Variants in CNTN5 observed in about 807,000 individuals in gnomAD.
The protein encoded by CNTN5 is contactin-5.
Under a neutral mutation model 129.1 loss-of-function variants are expected in CNTN5, and 77 were observed. The ratio of observed to expected loss-of-function variants is 0.60; its 90% CI spans 0.50 to 0.72. The LOEUF (loss-of-function observed/expected upper bound fraction) is 0.72. Ranked by LOEUF, CNTN5 falls within the 30% of genes least tolerant of loss-of-function variation. The pLI is 0.00. For missense variants in CNTN5, 1,478 were observed against 1,328.8 expected (o/e 1.11, Z -1.75); for synonymous variants, 509 against 465.6 (o/e 1.09, Z -1.20).
At chr11:99,618,892 A>C (rs1171968796) in intron 3 of CNTN5, among the ~76,000 whole-genome samples, 1 of 152,090 alleles carries the variant, frequency 6.6e-6, no homozygotes, top group Non-Finnish European at 1.5e-5. Flanking sequence ...TTTAAAGAGA[A>C]TATCTAGGTT....
chr11:99,340,118 C>T (rs1342025348), intron 2 of CNTN5, among the ~76,000 whole-genome samples: 2 of 152,104 alleles, frequency 1.3e-5, no homozygotes, highest in Non-Finnish European at 2.9e-5. Flanking sequence ...TCCTTAGGAA[C>T]TAGAGGGTGG....
intron 16 of CNTN5, among the ~76,000 whole-genome samples, chr11:100,238,395 TCTC>T (rs888847588): frequency 8.6e-6 from 1 of 115,954 alleles, no homozygotes; most frequent in African/African-American, 3.5e-5. Context: ...TTGGACTTAA[TCTC>T]CTCACTTGTC....
At position 99,627,677 on chromosome 11, in the gene CNTN5, A is replaced by G. The variant is rs116196225; in HGVS notation, c.55+71408A>G. 4.4e-3 allele frequency among the ~76,000 whole-genome samples: 662 copies of G among 152,136 alleles called. 5 individuals carry two copies. Among genetic ancestry groups the G allele is most frequent in the African/African-American group, 0.015 (629 of 41,522 alleles). Reference sequence around the variant, plus strand: ...AAAATAAGCTCAGGTGGCATTAATTACCAAGCACTGCCCTAAAAATGTAGT... The same window carrying G: ...AAAATAAGCTCAGGTGGCATTAATTGCCAAGCACTGCCCTAAAAATGTAGT... On this transcript the variant is annotated intron_variant, in intron 3 of 24. Coordinates refer to ENST00000524871, the MANE Select transcript of CNTN5 (RefSeq NM_014361.4).
chr11:100,221,306 A>G lies in CNTN5; in HGVS notation c.1885-3386A>G, dbSNP rs1214129011. 3.9e-5 allele frequency among the ~76,000 whole-genome samples: 6 copies of G among 152,338 alleles called. No individual in the cohort carries two copies. In the East Asian group the frequency reaches 1.2e-3, roughly 29 times the overall value. Reference sequence around the variant, plus strand: ...GGATTAAGTTGCAGGAGGTAGAATCATGCTCTAAAGAGCTACGTCAAAATA... The same window carrying G: ...GGATTAAGTTGCAGGAGGTAGAATCGTGCTCTAAAGAGCTACGTCAAAATA... On this transcript the variant is annotated intron_variant, in intron 15 of 24. Coordinates refer to ENST00000524871, the MANE Select transcript of CNTN5 (RefSeq NM_014361.4).
At chr11:99,143,989 T>C (rs1859658304) in intron 1 of CNTN5, among the ~76,000 whole-genome samples, 1 of 152,230 alleles carries the variant, frequency 6.6e-6, no homozygotes. Flanking sequence ...TATTTTCTTA[T>C]TCTTATTTTT....
At chr11:99,423,235 A>G (rs1283380275) in intron 2 of CNTN5, among the ~76,000 whole-genome samples, 1 of 152,160 alleles carries the variant, frequency 6.6e-6, no homozygotes, top group Non-Finnish European at 1.5e-5. Flanking sequence ...TGTGTTAGCT[A>G]TGGTCTTTAC....
chr11:99,148,438 G>A (rs1465389181), intron 1 of CNTN5, among the ~76,000 whole-genome samples: 2 of 152,110 alleles, frequency 1.3e-5, no homozygotes, highest in Admixed American at 6.6e-5. Flanking sequence ...AATCAGCAAG[G>A]TGGGCAGGCA....
chr11:100,037,935 A>AT (rs1241322304), intron 9 of CNTN5, among the ~76,000 whole-genome samples: 5 of 151,880 alleles, frequency 3.3e-5, no homozygotes, highest in Middle Eastern at 3.2e-3. Flanking sequence ...GGATTCATTG[A>AT]TTTTTTGAAG....
chr11:100,001,075 T>G (rs192216643), intron 8 of CNTN5, among the ~76,000 whole-genome samples: 40 of 152,294 alleles, frequency 2.6e-4, no homozygotes, highest in Admixed American at 2.4e-3. Flanking sequence ...TTTTTCCCAT[T>G]GTCTTCACTA....
chr11:100,157,611 A>G (rs1947295338), intron 13 of CNTN5, among the ~76,000 whole-genome samples: 1 of 151,812 alleles, frequency 6.6e-6, no homozygotes, highest in Non-Finnish European at 1.5e-5. Flanking sequence ...AAATTATATG[A>G]AAGTGCGAAA....
chr11:99,519,170 A>G (rs918444134), intron 2 of CNTN5, among the ~76,000 whole-genome samples: 3 of 151,984 alleles, frequency 2.0e-5, no homozygotes, highest in African/African-American at 7.2e-5. Flanking sequence ...CAGTAAGTGT[A>G]CATGATGTTC....
intron 18 of CNTN5, among the ~76,000 whole-genome samples, chr11:100,288,902 C>A (rs1488479903): frequency 6.6e-6 from 1 of 151,792 alleles, no homozygotes; most frequent in African/African-American, 2.4e-5. Flanking sequence ...ATCAAATAGA[C>A]ACAATAAAAA....
chr11:99,645,559 T>A (rs1951928249), intron 3 of CNTN5, among the ~76,000 whole-genome samples: 1 of 152,062 alleles, frequency 6.6e-6, no homozygotes, highest in Non-Finnish European at 1.5e-5. Context: ...CAAATGTCCA[T>A]TAATGATAGA....
chr11:99,324,641 C>T (rs912617743), intron 1 of CNTN5, among the ~76,000 whole-genome samples: 7 of 152,112 alleles, frequency 4.6e-5, no homozygotes, highest in Non-Finnish European at 1.0e-4. Flanking sequence ...CAATGAACTT[C>T]ATTAGAAATA....
At chr11:99,829,930 A>C (rs1203853252) in intron 4 of CNTN5, among the ~76,000 whole-genome samples, 1 of 152,198 alleles carries the variant, frequency 6.6e-6, no homozygotes, top group Non-Finnish European at 1.5e-5. Flanking sequence ...TCCTCCCTCT[A>C]TAAATATAAA....
At chr11:100,012,304 A>T (rs961932252) in intron 9 of CNTN5, among the ~76,000 whole-genome samples, 1 of 152,134 alleles carries the variant, frequency 6.6e-6, no homozygotes, top group Non-Finnish European at 1.5e-5. Context: ...AACAAACGTG[A>T]ATTTGTAAAT....
intron 2 of CNTN5, among the ~76,000 whole-genome samples, chr11:99,404,952 T>C (rs773848223): frequency 6.6e-6 from 1 of 152,206 alleles, no homozygotes; most frequent in Non-Finnish European, 1.5e-5. Context: ...AAAGCCTTTA[T>C]GTCTCTCTCA....
intron 1 of CNTN5, among the ~76,000 whole-genome samples, chr11:99,022,017 A>G (rs530792961): frequency 6.0e-4 from 91 of 152,332 alleles, no homozygotes; most frequent in Non-Finnish European, 1.0e-4. Context: ...TTTTAGAATT[A>G]TATTACTTTT....
intron 3 of CNTN5, among the ~76,000 whole-genome samples, chr11:99,741,704 C>G (rs1469448822): frequency 6.6e-6 from 1 of 151,958 alleles, no homozygotes; most frequent in Non-Finnish European, 1.5e-5. Flanking sequence ...TAAGAACAAG[C>G]CCTTCAAAAT....
Sources: allele counts gnomAD v4.1 joint callset (sites outside exome capture counted in the v4.1 genomes callset), GRCh38; gene constraint gnomAD v4.1.1; transcripts MANE v1.5; gene names NCBI Gene and HGNC (gene_info 2026-07-23, HGNC 2026-07-21).